Variants in SFMBT1 observed in about 807,000 individuals in gnomAD.
SFMBT1 encodes scm-like with four MBT domains protein 1.
In SFMBT1, 32 loss-of-function variants were observed where a neutral mutation model predicts 108.7. The observed-to-expected ratio is 0.29, with a 90% CI of 0.22 to 0.40. The LOEUF (loss-of-function observed/expected upper bound fraction) is 0.40. SFMBT1 is among the 10% of genes least tolerant of loss of function. The probability of loss-of-function intolerance (pLI) is 1.00; values close to 1 mark genes in which losing one functional copy is unlikely to be tolerated. For missense variants in SFMBT1, 816 were observed against 1,059.6 expected, an observed-to-expected ratio of 0.77 and a Z score of 3.19; for synonymous variants, 348 against 369.5, an observed-to-expected ratio of 0.94 and a Z score of 0.67.
At chr3:52,998,590 C>T (rs1357688518) in intron 1 of SFMBT1, among the ~76,000 whole-genome samples, 1 of 150,098 alleles carries the variant, frequency 6.7e-6, no homozygotes, top group African/African-American at 2.4e-5. Context: ...CTGTTTCCTA[C>T]CTAGGGGTGA....
chr3:52,942,761 C>A (rs1189095512), intron 4 of SFMBT1, among the ~76,000 whole-genome samples: 2 of 152,206 alleles, frequency 1.3e-5, no homozygotes, highest in South Asian at 4.1e-4. Flanking sequence ...GTGATCCAGC[C>A]GCCTCAGCCT....
intron 1 of SFMBT1, among the ~76,000 whole-genome samples, chr3:52,976,909 C>G (rs916066555): frequency 6.6e-6 from 1 of 152,128 alleles, no homozygotes; most frequent in African/African-American, 2.4e-5. Flanking sequence ...AGATTAGTAA[C>G]ACTGAATATA....
At chr3:53,038,738 G>A (rs1369713726) in intron 1 of SFMBT1, among the ~76,000 whole-genome samples, 1 of 152,254 alleles carries the variant, frequency 6.6e-6, no homozygotes, top group East Asian at 1.9e-4. Context: ...TAATTAGGTG[G>A]TATCATTATT....
At chr3:52,973,820 C>T (rs551398617) in intron 1 of SFMBT1, among the ~76,000 whole-genome samples, 15 of 152,128 alleles carry the variant, frequency 9.9e-5, no homozygotes, top group Admixed American at 2.0e-4. Flanking sequence ...GTAGAGACCA[C>T]GTTGGCCAGG....
chr3:53,040,967 AATTTTTTT>A (rs1389607710), intron 1 of SFMBT1, among the ~76,000 whole-genome samples: 20 of 72,880 alleles, frequency 2.7e-4, no homozygotes, highest in Non-Finnish European at 4.8e-4. Context: ...AAGACACCTG[AATTTTTTT>A]TTTTTTTTTT....
chr3:52,971,119 C>T (rs1477588497), intron 1 of SFMBT1, among the ~76,000 whole-genome samples: 4 of 150,286 alleles, frequency 2.7e-5, no homozygotes, highest in South Asian at 2.1e-4. Context: ...CCAGCCTGGG[C>T]AATGAGAGTG....
chr3:53,037,464 G>A (rs941278783), intron 1 of SFMBT1, among the ~76,000 whole-genome samples: 4 of 152,050 alleles, frequency 2.6e-5, no homozygotes, highest in African/African-American at 4.8e-5. Flanking sequence ...AGAAAACTAC[G>A]TATTTTTAAG....
At chr3:53,009,281 T>C (rs1698862596) in intron 1 of SFMBT1, among the ~76,000 whole-genome samples, 1 of 151,628 alleles carries the variant, frequency 6.6e-6, no homozygotes, top group Non-Finnish European at 1.5e-5. Context: ...ACCCCGTCTG[T>C]ACTAAAAATA....
At chr3:53,009,997 C>A (rs1698887860) in intron 1 of SFMBT1, among the ~76,000 whole-genome samples, 2 of 152,062 alleles carry the variant, frequency 1.3e-5, no homozygotes, top group Non-Finnish European at 2.9e-5. Context: ...ATAAAGTGGA[C>A]CCATGTGATT....
chr3:52,971,871 G>A (rs566470590), intron 1 of SFMBT1, among the ~76,000 whole-genome samples: 1 of 152,222 alleles, frequency 6.6e-6, no homozygotes, highest in East Asian at 1.9e-4. Flanking sequence ...GGAAGGACCT[G>A]AAGGCTGCTG....
At chr3:52,994,882 G>A (rs1698267051) in intron 1 of SFMBT1, among the ~76,000 whole-genome samples, 1 of 149,116 alleles carries the variant, frequency 6.7e-6, no homozygotes, top group South Asian at 2.1e-4. Context: ...AAACTACCTG[G>A]TTTTATCAAA....
At chr3:52,933,543 A>G (rs1230226728) in intron 5 of SFMBT1, among the ~76,000 whole-genome samples, 1 of 152,218 alleles carries the variant, frequency 6.6e-6, no homozygotes, top group Non-Finnish European at 1.5e-5. Flanking sequence ...AAAGTGGAGG[A>G]AAAGATTTAG....
At chr3:52,955,533 TC>T (rs1703750927) in intron 2 of SFMBT1, among the ~76,000 whole-genome samples, 1 of 151,766 alleles carries the variant, frequency 6.6e-6, no homozygotes, top group South Asian at 2.1e-4. Context: ...TCACCACCAA[TC>T]CCACAGAAAT....
Position 52,930,295 on chromosome 3 carries a change from G to A in SFMBT1, c.897+34C>T, listed in dbSNP as rs768804032. On this transcript the variant is annotated intron_variant, in intron 8 of 20. Transcript: ENST00000394752. ...ATTTCCTAAACCAGTCACCTTGACA[G>A]GGATTCTTACCAAGAGAGTTATCTC... is the stretch of plus-strand genomic sequence containing the variant. 6 of 1,300,930 alleles carry A rather than the reference G, an allele frequency of 4.6e-6. No homozygotes were observed. The African/African-American group carries it at 5.8e-5, about 13-fold the overall frequency. 80.6% of individuals were successfully genotyped at this position (1,300,930 alleles called of 1,614,324 possible).
intron 1 of SFMBT1, among the ~76,000 whole-genome samples, chr3:53,024,601 G>T (rs1188964822): frequency 6.6e-6 from 1 of 152,250 alleles, no homozygotes; most frequent in East Asian, 1.9e-4. Context: ...AAAGGGAGAA[G>T]TAACAGGGAA....
rs779382428 is a variant in SFMBT1 at position 52,921,750 on chromosome 3, T to C, written c.1213A>G (p.Thr405Ala). The C allele has an allele frequency of 1.9e-6, 3 of 1,614,100 alleles. No homozygotes were observed. In the African/African-American group the frequency reaches 4.0e-5, roughly 22 times the overall value. The change falls in exon 11 of 21, where the codon ACC becomes GCC. Residue 405 changes from threonine (T) to alanine (A), a missense_variant. Thr to Ala is a moderately conservative substitution (Grantham distance 58, BLOSUM62 0). Around this residue, in one of 5 missense-constraint regions of SFMBT1, gnomAD observed 495 missense variants for 607.4 expected, o/e 0.81. Transcript: ENST00000394752. The stretch of plus-strand genomic sequence containing the variant: ...TAGGAGCCTCTCACTGCAGTGATGG[T>C]AGCAACACACACTTCTTCAGGGAGA... ...PILPEEVCVA[T>A]ITAVRGSYLW...
At chr3:53,034,659 A>G (rs1351699050) in intron 1 of SFMBT1, among the ~76,000 whole-genome samples, 1 of 151,448 alleles carries the variant, frequency 6.6e-6, no homozygotes, top group African/African-American at 2.4e-5. Context: ...ATTGTGGGCC[A>G]GGCATAGTGG....
Position 52,931,028 on chromosome 3 carries a change from T to C in SFMBT1, c.708A>G (p.Arg236=). ...GCCACTCAGCTTCATTTTTTAGATGTCTAATGGCTTTAATAAAACATGACA... is the reference window on the plus strand; with the variant it reads ...GCCACTCAGCTTCATTTTTTAGATGCCTAATGGCTTTAATAAAACATGACA... ...GYELQPPSAI[R]HLKNEAEWQE... Residue 236 remains arginine (R), a synonymous_variant, in exon 7 of 21, where the codon AGA becomes AGG. Transcript: ENST00000394752. 1 of 1,613,756 alleles carries C rather than the reference T, an allele frequency of 6.2e-7. No homozygotes were observed. Among genetic ancestry groups the C allele is most frequent in the Non-Finnish European group, 8.5e-7 (1 of 1,179,692 alleles).
intron 1 of SFMBT1, among the ~76,000 whole-genome samples, chr3:52,969,480 T>C (rs562001685): frequency 3.2e-4 from 49 of 152,158 alleles, no homozygotes; most frequent in Non-Finnish European, 5.7e-4. Context: ...ACGCACACTA[T>C]CGAGATCTTG....
Sources: gnomAD v4.1 joint callset for allele counts (sites outside exome capture counted in the v4.1 genomes callset) on GRCh38, gnomAD v4.1.1 for gene constraint, gnomAD v4.1.1 regional missense constraint, MANE v1.5 for transcripts, NCBI Gene and HGNC (gene_info 2026-07-23, HGNC 2026-07-21) for gene names.